The following SYNCRIP variants were observed in gnomAD, a reference collection of about 807,000 sequenced individuals.
SYNCRIP encodes synaptotagmin binding cytoplasmic RNA interacting protein.
A neutral mutation model predicts 68.9 loss-of-function variants in SYNCRIP; 9 were observed. The ratio of observed to expected loss-of-function variants is 0.13; its 90% CI spans 0.08 to 0.23. The LOEUF is 0.23. Among genes scored for constraint, SYNCRIP ranks in the 10% least tolerant of loss-of-function variants. The pLI is 1.00. For missense variants in SYNCRIP, 414 were observed against 770.6 expected, an observed-to-expected ratio of 0.54 and a Z score of 5.48; for synonymous variants, 258 against 254.0, an observed-to-expected ratio of 1.02 and a Z score of -0.15.
intron 6 of SYNCRIP, among the ~76,000 whole-genome samples, chr6:85,627,046 G>A (rs895723501): frequency 6.6e-6 from 1 of 151,986 alleles, no homozygotes; most frequent in Admixed American, 6.6e-5. Flanking sequence ...CGGGCGAATT[G>A]CCTAAGCTCA....
At chr6:85,622,092 C>T (rs909610089) in intron 8 of SYNCRIP, among the ~76,000 whole-genome samples, 2 of 152,116 alleles carry the variant, frequency 1.3e-5, no homozygotes, top group Admixed American at 1.3e-4. Context: ...GTGTCCAGGG[C>T]CAGGTGCAAT....
chr6:85,632,270 AAC>A (rs1466937362), intron 6 of SYNCRIP, among the ~76,000 whole-genome samples: 4 of 152,232 alleles, frequency 2.6e-5, no homozygotes, highest in Admixed American at 1.3e-4. Context: ...TCAAAAGAGA[AAC>A]AGAGGTGCTT....
chr6:85,621,413 C>T (rs1806380900), intron 8 of SYNCRIP, among the ~76,000 whole-genome samples: 2 of 152,014 alleles, frequency 1.3e-5, no homozygotes, highest in Admixed American at 1.3e-4. Flanking sequence ...TAAGACCGGC[C>T]TGGGCAGCAC....
intron 10 of SYNCRIP, among the ~76,000 whole-genome samples, chr6:85,616,354 C>G (rs552721955): frequency 6.6e-6 from 1 of 152,292 alleles, no homozygotes; most frequent in South Asian, 2.1e-4. Flanking sequence ...GAGACACAGT[C>G]TTGCTCTGTC....
At chr6:85,619,075 T>C (rs569080811) in intron 9 of SYNCRIP, 136 bp from the exon 10 acceptor site, 1 of 1,175,722 alleles carries the variant, frequency 8.5e-7, no homozygotes, top group East Asian at 2.4e-5. Context: ...TAATTTTATT[T>C]AAAGATGCAG....
chr6:85,625,689 T>C (rs755818607), intron 6 of SYNCRIP, among the ~76,000 whole-genome samples: 2 of 152,132 alleles, frequency 1.3e-5, no homozygotes, highest in Admixed American at 1.3e-4. Flanking sequence ...CTGGGCCACA[T>C]GCAATTTTTA....
At chr6:85,638,311 G>A (rs1411892945) in intron 4 of SYNCRIP, among the ~76,000 whole-genome samples, 5 of 149,236 alleles carry the variant, frequency 3.4e-5, no homozygotes, top group Admixed American at 6.7e-5. Context: ...ACCTGGAGGG[G>A]CGGAGGTTGC....
chr6:85,611,415 T>C (rs1384068958), downstream of SYNCRIP: 2 of 152,584 alleles, frequency 1.3e-5, no homozygotes, highest in East Asian at 3.8e-4. Flanking sequence ...TTGTTAAATT[T>C]GCATTTACTG....
At chr6:85,619,150 G>A (rs1806107955) in intron 9 of SYNCRIP, 118 bp downstream of exon 9, 1 of 1,432,356 alleles carries the variant, frequency 7.0e-7, no homozygotes, top group African/African-American at 1.4e-5. Flanking sequence ...AAAGGTTTTA[G>A]TTTGAATGGA....
At chr6:85,624,903 G>A (rs563216406) in intron 6 of SYNCRIP, among the ~76,000 whole-genome samples, 2 of 152,308 alleles carry the variant, frequency 1.3e-5, no homozygotes, top group South Asian at 4.1e-4. Flanking sequence ...AATAATGGCG[G>A]CAGCAGCGGC....
intron 6 of SYNCRIP, among the ~76,000 whole-genome samples, chr6:85,625,380 GT>G (rs747025938): frequency 2.3e-3 from 319 of 141,388 alleles, no homozygotes; most frequent in Middle Eastern, 3.6e-3. Flanking sequence ...AACATACAGG[GT>G]TTTTTTTTTT....
rs1247600911 is a variant in SYNCRIP at position 85,640,091 on chromosome 6, AG to A, written c.375+129del. On this transcript the variant is annotated intron_variant, in intron 4 of 10. Transcript: ENST00000369622. Reference sequence around the variant, plus strand: ...AAATAGTTTAAAAAAACTTAAAAAAAGGAATTAGGAAAGATTGATGAATTAT... The same window carrying A: ...AAATAGTTTAAAAAAACTTAAAAAAAGAATTAGGAAAGATTGATGAATTAT... The A allele has an allele frequency of 3.3e-5, 22 of 669,882 alleles. 1 individual carries two copies. Among genetic ancestry groups the A allele is most frequent in the Non-Finnish European group, 4.8e-5 (19 of 393,426 alleles). 41.5% of individuals were successfully genotyped at this position (669,882 alleles called of 1,614,324 possible). A position where few individuals can be genotyped will look rare whatever the true frequency, so the allele number is the denominator to read the frequency against.
chr6:85,622,737 T>A lies in SYNCRIP; in HGVS notation c.803-50A>T, dbSNP rs369655401. 212 of 1,419,558 alleles carry A rather than the reference T, an allele frequency of 1.5e-4. 1 individual carries two copies. Among genetic ancestry groups the A allele is most frequent in the African/African-American group, 4.2e-5 (3 of 70,620 alleles). The allele number at this position is 1,419,558 out of a possible 1,614,324, so 87.9% of individuals were successfully genotyped here. Reference sequence around the variant, plus strand: ...AAAATTAGATGAAATAACTAGCAAATACAAGTGGATCAAAGGATTTATCTA... The same window carrying A: ...AAAATTAGATGAAATAACTAGCAAAAACAAGTGGATCAAAGGATTTATCTA... On this transcript the variant is annotated intron_variant, in intron 7 of 10. Transcript: ENST00000369622.
At chr6:85,625,407 CAG>C (rs983252258) in intron 6 of SYNCRIP, among the ~76,000 whole-genome samples, 6 of 149,648 alleles carry the variant, frequency 4.0e-5, no homozygotes, top group African/African-American at 4.9e-5. Context: ...TTTTCTGAGA[CAG>C]AGTCTTGCTC....
At chr6:85,621,607 T>TAA (rs34749230) in intron 8 of SYNCRIP, among the ~76,000 whole-genome samples, 26 of 124,780 alleles carry the variant, frequency 2.1e-4, no homozygotes, top group East Asian at 1.1e-3. Flanking sequence ...CCCTGTCACT[T>TAA]AAAAAAAAAA....
chr6:85,640,656 T>A, intron 2 of SYNCRIP, 92 bp from the exon 3 acceptor site: 1 of 690,356 alleles, frequency 1.4e-6, no homozygotes. Flanking sequence ...TGTGTGCCTT[T>A]ACAATTCTTC....
At chr6:85,633,958 T>G (rs1808135933) in intron 6 of SYNCRIP, among the ~76,000 whole-genome samples, 1 of 152,082 alleles carries the variant, frequency 6.6e-6, no homozygotes, top group African/African-American at 2.4e-5. Flanking sequence ...ATGCAAAGTC[T>G]CCTATTAATT....
chr6:85,628,593 G>A (rs1337067708), intron 6 of SYNCRIP, among the ~76,000 whole-genome samples: 4 of 151,998 alleles, frequency 2.6e-5, no homozygotes, highest in Admixed American at 6.6e-5. Context: ...TACTGTAAAC[G>A]CAGACTGAAA....
chr6:85,633,333 A>T (rs1339833139), intron 6 of SYNCRIP, among the ~76,000 whole-genome samples: 1 of 152,198 alleles, frequency 6.6e-6, no homozygotes, highest in East Asian at 1.9e-4. Context: ...GTGGTGGCTC[A>T]CACCTGTACT....
Sources: allele counts gnomAD v4.1 joint callset (sites outside exome capture counted in the v4.1 genomes callset), GRCh38; gene constraint gnomAD v4.1.1; transcripts MANE v1.5; gene names NCBI Gene and HGNC (gene_info 2026-07-23, HGNC 2026-07-21).